The following PCDHA3 variants were observed in gnomAD, a reference collection of about 807,000 sequenced individuals.
The protein encoded by PCDHA3 is protocadherin alpha-3.
In PCDHA3, 41 loss-of-function variants were observed where a neutral mutation model predicts 62.2. The observed-to-expected ratio is 0.66, with a 90% CI of 0.51 to 0.86. The LOEUF is 0.86. Among genes scored for constraint, PCDHA3 ranks in the 40% least tolerant of loss-of-function variants. The pLI is 0.00. For missense variants in PCDHA3, 1,304 were observed against 1,241.2 expected (o/e 1.05, Z -0.76); for synonymous variants, 640 against 555.4 (o/e 1.15, Z -2.14).
chr5:140,983,966 C>A (rs782428444), intron 3 of PCDHA3, among the ~76,000 whole-genome samples: 1 of 152,048 alleles, frequency 6.6e-6, no homozygotes, highest in Non-Finnish European at 1.5e-5. Flanking sequence ...CACATTTGTC[C>A]AAAAAATATA....
intron 1 of PCDHA3, chr5:140,821,749 A>G: frequency 1.3e-6 from 2 of 1,571,782 alleles, no homozygotes; most frequent in South Asian, 2.4e-5. Flanking sequence ...GATGCAATAG[A>G]AAGCTCATAA....
chr5:140,908,169 C>T (rs1361651305), intron 1 of PCDHA3, among the ~76,000 whole-genome samples: 2 of 152,192 alleles, frequency 1.3e-5, no homozygotes, highest in African/African-American at 4.8e-5. Context: ...TGTAGTGCTG[C>T]AGCTGTCCAC....
At chr5:140,853,090 A>T in intron 1 of PCDHA3, 2 of 331,170 alleles carry the variant, frequency 6.0e-6, no homozygotes, top group Non-Finnish European at 8.8e-6. Flanking sequence ...CGTGTTAGTC[A>T]GGATGGTCTC....
At chr5:140,852,191 G>A in intron 1 of PCDHA3, 1 of 725,566 alleles carries the variant, frequency 1.4e-6, no homozygotes, top group Non-Finnish European at 1.7e-6. Context: ...GAAAATGCCA[G>A]TAACGTTTAT....
intron 1 of PCDHA3, chr5:140,843,149 G>A: frequency 6.3e-7 from 1 of 1,596,096 alleles, no homozygotes; most frequent in Non-Finnish European, 8.6e-7. Context: ...GCTTTCGTAT[G>A]AGCTGCAGCC....
intron 1 of PCDHA3, chr5:140,967,579 C>T: frequency 7.4e-6 from 12 of 1,614,154 alleles, no homozygotes; most frequent in Non-Finnish European, 9.3e-6. Context: ...AGGACTCACC[C>T]CCAGGCACAT....
intron 1 of PCDHA3, chr5:140,823,490 C>G (rs2150126315): frequency 6.2e-7 from 1 of 1,613,236 alleles, no homozygotes; most frequent in Non-Finnish European, 8.5e-7. Flanking sequence ...GTGGGTGGCA[C>G]CGGCGGCGCA....
intron 1 of PCDHA3, chr5:140,928,897 G>C: frequency 6.2e-7 from 1 of 1,614,186 alleles, no homozygotes. Flanking sequence ...AGACTTTGAA[G>C]ATGTCTGGGA....
chr5:140,849,954 A>G, intron 1 of PCDHA3: 1 of 1,597,790 alleles, frequency 6.3e-7, no homozygotes, highest in Non-Finnish European at 8.6e-7. Context: ...CGCGCAGGAG[A>G]ACGCCCTGGT....
chr5:140,830,177 G>A, intron 1 of PCDHA3: 2 of 1,613,644 alleles, frequency 1.2e-6, no homozygotes, highest in Non-Finnish European at 8.5e-7. Context: ...GCTGGTGGAT[G>A]TCAACGTGTA....
At chr5:140,900,807 A>T (rs868976984) in intron 1 of PCDHA3, among the ~76,000 whole-genome samples, 1 of 152,176 alleles carries the variant, frequency 6.6e-6, no homozygotes, top group African/African-American at 2.4e-5. Context: ...TAGTGCTTGT[A>T]CTAATTTACA....
chr5:140,822,263 C>A, intron 1 of PCDHA3: 1 of 1,614,228 alleles, frequency 6.2e-7, no homozygotes, highest in Non-Finnish European at 8.5e-7. Flanking sequence ...GATATTGGAG[C>A]AAATGCACAA....
At chr5:140,893,416 G>A (rs1351047268) in intron 1 of PCDHA3, among the ~76,000 whole-genome samples, 1 of 152,136 alleles carries the variant, frequency 6.6e-6, no homozygotes, top group Non-Finnish European at 1.5e-5. Context: ...ACTTAGGGAG[G>A]CAGAGGCAGG....
intron 2 of PCDHA3, among the ~76,000 whole-genome samples, chr5:140,979,795 A>G (rs781835728): frequency 6.6e-6 from 1 of 152,264 alleles, no homozygotes. Flanking sequence ...GAAACAAATG[A>G]TCACAACTAT....
rs183715022 is a variant in PCDHA3 at position 140,950,136 on chromosome 5, A to G, written c.2395-28813A>G. Among the ~76,000 whole-genome samples, 19 of 152,068 alleles carry G rather than the reference A, an allele frequency of 1.2e-4. No individual in the cohort carries two copies. The East Asian group carries it at 3.7e-3, about 29-fold the overall frequency. ...AATACAAAACCCACAAGACACAGTT[A>G]TAATTTTTGTTTAAGCAGTTATTAT... On this transcript the variant is annotated intron_variant, in intron 1 of 3. Transcript: ENST00000522353.
At chr5:140,873,283 A>G (rs1554166657) in intron 1 of PCDHA3, among the ~76,000 whole-genome samples, 1 of 152,258 alleles carries the variant, frequency 6.6e-6, no homozygotes, top group Non-Finnish European at 1.5e-5. Flanking sequence ...CATACCACTT[A>G]TGAAACTTTA....
chr5:140,801,703 C>A lies in PCDHA3; in HGVS notation c.506C>A (p.Thr169Asn). Residue 169 changes from threonine (T) to asparagine (N), a missense_variant, in exon 1 of 4, where the codon ACT becomes AAT. Thr to Asn is a moderately conservative substitution (Grantham distance 65). Transcript: ENST00000522353. Reference sequence around the variant, plus strand: ...GATATCGGAACAAATTCGTTGTTGACTTACAGTCTTGATTCCACTGAATAT... The same window carrying A: ...GATATCGGAACAAATTCGTTGTTGAATTACAGTCTTGATTCCACTGAATAT... ...DADIGTNSLL[T>N]YSLDSTEYFT... is the part of the protein sequence containing the mutation. 1 of 1,614,140 alleles carries A rather than the reference C, an allele frequency of 6.2e-7. No homozygotes were observed. Among genetic ancestry groups the A allele is most frequent in the Non-Finnish European group, 8.5e-7 (1 of 1,180,040 alleles).
intron 1 of PCDHA3, chr5:140,966,633 C>G (rs2096029445): frequency 8.9e-6 from 9 of 1,005,802 alleles, no homozygotes; most frequent in Non-Finnish European, 5.4e-6. Flanking sequence ...CGGCCCCAGG[C>G]GCTTTCTAGA....
intron 1 of PCDHA3, among the ~76,000 whole-genome samples, chr5:140,899,694 T>G (rs961067519): frequency 2.0e-5 from 3 of 152,236 alleles, no homozygotes; most frequent in African/African-American, 4.8e-5. Flanking sequence ...GCTGGCCTCA[T>G]AAAATGAGTT....
Sources: gnomAD v4.1 joint callset for allele counts (sites outside exome capture counted in the v4.1 genomes callset) on GRCh38, gnomAD v4.1.1 for gene constraint, MANE v1.5 for transcripts, NCBI Gene and HGNC (gene_info 2026-07-23, HGNC 2026-07-21) for gene names.